Variants in TNFAIP3 observed in about 807,000 individuals in gnomAD.
TNFAIP3 encodes TNF alpha induced protein 3.
In TNFAIP3, 9 loss-of-function variants were observed where a neutral mutation model predicts 72.4. The observed-to-expected ratio is 0.12, with a 90% confidence interval of 0.07 to 0.22. TNFAIP3 has a LOEUF of 0.22. Among genes scored for constraint, TNFAIP3 ranks in the 10% least tolerant of loss-of-function variants. TNFAIP3 has a pLI of 1.00. For missense variants in TNFAIP3, 833 were observed against 1,018.7 expected, an observed-to-expected ratio of 0.82 and a Z score of 2.48; for synonymous variants, 339 against 372.6, an observed-to-expected ratio of 0.91 and a Z score of 1.04.
chr6:137,872,972 A>G, intron 2 of TNFAIP3, among the ~76,000 whole-genome samples: 1 of 149,610 alleles, frequency 6.7e-6, no homozygotes, highest in Non-Finnish European at 1.5e-5. Flanking sequence ...TTTCCACTAG[A>G]AAAAAAAAAG....
Position 137,882,784 on chromosome 6 carries a change from A to G in TNFAIP3, c.*1465A>G, listed in dbSNP as rs1048242310. 4.3e-6 allele frequency: 1 copy of G among 231,354 alleles called. No homozygotes were observed. The highest frequency in any genetic ancestry group is 8.6e-6 in the Non-Finnish European group (1 of 116,814). 14.3% of individuals were successfully genotyped at this position (231,354 alleles called of 1,614,324 possible). ...ATTGGGACAGCAAAAGCCAGTAACC[A>G]TGAGTATGAGGAAATCTCTTTCTGT... On this transcript the variant is annotated 3_prime_UTR_variant, in exon 9 of 9. Transcript: ENST00000612899.
At position 137,870,364 on chromosome 6, in the gene TNFAIP3, C is replaced by G. The variant is rs1336011514; in HGVS notation, c.-15-849C>G. The stretch of plus-strand genomic sequence containing the variant: ...TCTCAAACTCCTGAGCTTAAGTGAT[C>G]CTCCTCCCTCGACCTCCCAAAGTGC... On this transcript the variant is annotated intron_variant, in intron 1 of 8. Transcript: ENST00000612899. Among the ~76,000 whole-genome samples the G allele has an allele frequency of 3.3e-5, 5 of 152,300 alleles. No individual in the cohort carries two copies. The South Asian group carries it at 6.2e-4, about 19-fold the overall frequency.
chr6:137,881,723 A>G lies in TNFAIP3; in HGVS notation c.*404A>G, dbSNP rs956752260. ...ACAAGTCGCGTGGGTTGGAGAAGCC[A>G]GAGCCATTCCACCTCCCCTCCCCCA... is the stretch of plus-strand genomic sequence containing the variant. On this transcript the variant is annotated 3_prime_UTR_variant, in exon 9 of 9. Coordinates refer to ENST00000612899, the MANE Select transcript of TNFAIP3 (RefSeq NM_001270508.2). This position sits in a 1 kb window ranked among gnomAD's most constrained non-coding sequence, Gnocchi z 5.0. 4.1e-6 allele frequency: 1 copy of G among 244,548 alleles called. No individual in the cohort carries two copies. 15.1% of individuals were successfully genotyped at this position (244,548 alleles called of 1,614,324 possible). A position where few individuals can be genotyped will look rare whatever the true frequency, so the allele number is the denominator to read the frequency against.
Position 137,881,559 on chromosome 6 carries a change from C to T in TNFAIP3, c.*240C>T. 2 of 428,440 alleles carry T rather than the reference C, an allele frequency of 4.7e-6. No homozygotes were observed. Among genetic ancestry groups the T allele is most frequent in the Non-Finnish European group, 4.1e-6 (1 of 243,246 alleles). The allele number at this position is 428,440 out of a possible 1,614,324, so 26.5% of individuals were successfully genotyped here. ...TGGCAAGGGATGATGTCAGATTCAG[C>T]CCAAGGTTCCTCCTCTCCTACCAAG... On this transcript the variant is annotated 3_prime_UTR_variant, in exon 9 of 9. Transcript: ENST00000612899. The surrounding 1 kb of genome is among the most constrained non-coding windows in gnomAD (Gnocchi z 5.0).
At chr6:137,874,028 A>G (rs1159346546) in intron 2 of TNFAIP3, among the ~76,000 whole-genome samples, 1 of 152,244 alleles carries the variant, frequency 6.6e-6, no homozygotes, top group East Asian at 1.9e-4. Context: ...AAAAAAATGC[A>G]GCCCATTGAA....
intron 1 of TNFAIP3, among the ~76,000 whole-genome samples, chr6:137,868,679 G>A (rs1345124517): frequency 6.9e-6 from 1 of 145,038 alleles, no homozygotes; most frequent in Non-Finnish European, 1.5e-5. Flanking sequence ...CTTTAAATAA[G>A]ACAGTGAGGT....
intron 6 of TNFAIP3, 65 bp from the exon 7 acceptor site, chr6:137,878,367 A>G: frequency 7.1e-7 from 1 of 1,403,454 alleles, no homozygotes; most frequent in Non-Finnish European, 9.7e-7. Context: ...CTATGAGCTA[A>G]TGATGTAAAA....
Position 137,881,099 on chromosome 6 carries a change from G to A in TNFAIP3, c.2153G>A (p.Arg718Gln), listed in dbSNP as rs779416381. The A allele has an allele frequency of 1.5e-5, 24 of 1,613,802 alleles. No homozygotes were observed. The highest frequency in any genetic ancestry group is 1.1e-4 in the East Asian group (5 of 44,858). Reference sequence around the variant, plus strand: ...AGCACCTCAAGGCCCAAGTGCGCCCGGGCCTCCTGCAAGAACATCCTGGCC... The same window carrying A: ...AGCACCTCAAGGCCCAAGTGCGCCCAGGCCTCCTGCAAGAACATCCTGGCC... ...TQSTSRPKCA[R>Q]ASCKNILACR... The change falls in exon 9 of 9, where the codon CGG (arginine) becomes CAG (glutamine). Residue 718 changes from arginine to glutamine, a missense_variant. Coordinates refer to ENST00000612899, the MANE Select transcript of TNFAIP3 (RefSeq NM_001270508.2). This position sits in a 1 kb window ranked among gnomAD's most constrained non-coding sequence, Gnocchi z 5.0.
chr6:137,879,402 T>C, intron 7 of TNFAIP3, 51 bp downstream of exon 7: 1 of 1,553,850 alleles, frequency 6.4e-7, no homozygotes, highest in East Asian at 2.3e-5. Flanking sequence ...CCAGAAGGGG[T>C]TTTGTTCCTG....
intron 5 of TNFAIP3, among the ~76,000 whole-genome samples, chr6:137,876,524 C>A (rs919978786): frequency 3.9e-5 from 6 of 151,952 alleles, no homozygotes; most frequent in African/African-American, 1.2e-4. Flanking sequence ...TGGCTCATTG[C>A]AGCCTCCACC....
rs531354473 is a variant in TNFAIP3, at chr6:137,882,528, T to C, written c.*1209T>C. ...CAAGGTATACATACATATTCATCGA[T>C]GTTTCGTGCTTCTCCTTATGAAACT... is the stretch of plus-strand genomic sequence containing the variant. On this transcript the variant is annotated 3_prime_UTR_variant, in exon 9 of 9. Transcript: ENST00000612899. 1 of 232,406 alleles carries C rather than the reference T, an allele frequency of 4.3e-6. No individual in the cohort carries two copies. The highest frequency in any genetic ancestry group is 2.2e-5 in the African/African-American group (1 of 45,416). 14.4% of individuals were successfully genotyped at this position (232,406 alleles called of 1,614,324 possible).
chr6:137,882,550 A>C lies in TNFAIP3; in HGVS notation c.*1231A>C, dbSNP rs368124900. Reference sequence around the variant, plus strand: ...CGATGTTTCGTGCTTCTCCTTATGAAACTCCAGCTATGTAATAAAAAACTA... The same window carrying C: ...CGATGTTTCGTGCTTCTCCTTATGACACTCCAGCTATGTAATAAAAAACTA... On this transcript the variant is annotated 3_prime_UTR_variant, in exon 9 of 9. Transcript: ENST00000612899. The C allele has an allele frequency of 1.9e-4, 44 of 232,508 alleles. No homozygotes were observed. Among genetic ancestry groups the C allele is most frequent in the East Asian group, 7.8e-4 (13 of 16,594 alleles). The allele number at this position is 232,508 out of a possible 1,614,324, so 14.4% of individuals were successfully genotyped here. A position where few individuals can be genotyped will look rare whatever the true frequency, so the allele number is the denominator to read the frequency against.
chr6:137,868,685 G>A (rs1775926215), intron 1 of TNFAIP3, among the ~76,000 whole-genome samples: 2 of 131,788 alleles, frequency 1.5e-5, no homozygotes, highest in African/African-American at 5.7e-5. Flanking sequence ...ATAAGACAGT[G>A]AGGTAACAAA....
rs1407837791 is a variant in TNFAIP3 at position 137,881,276 on chromosome 6, G to C, written c.2330G>C (p.Gly777Ala). ...CDHFGNAKCN[G>A]YCNECFQFKQ... The stretch of plus-strand genomic sequence containing the variant: ...CATTTTGGCAATGCCAAGTGCAACG[G>C]CTACTGCAACGAATGCTTTCAGTTC... The change falls in exon 9 of 9, where the codon GGC becomes GCC. Residue 777 changes from glycine (G) to alanine (A), a missense_variant. By Grantham distance (60) the Gly-to-Ala change is moderately conservative (BLOSUM62 0). Transcript: ENST00000612899. This position sits in a 1 kb window ranked among gnomAD's most constrained non-coding sequence, Gnocchi z 5.0. The C allele has an allele frequency of 6.3e-7, 1 of 1,578,046 alleles. No individual in the cohort carries two copies. Among genetic ancestry groups the C allele is most frequent in the Admixed American group, 1.9e-5 (1 of 53,536 alleles).
rs1562274117 is a variant in TNFAIP3, at chr6:137,880,246, G to A, written c.2082G>A (p.Glu694=). ...QRFHEAKRTE[E]QLRSSQRRDV... The stretch of plus-strand genomic sequence containing the variant: ...TTCATGAGGCCAAAAGGACAGAAGA[G>A]CAACTGGTGAGACACTTGGAGGAGC... Residue 694 remains glutamate, a synonymous_variant, in exon 8 of 9, where the codon GAG becomes GAA. Transcript: ENST00000612899. 2 of 1,614,020 alleles carry A rather than the reference G, an allele frequency of 1.2e-6. No homozygotes were observed. Among genetic ancestry groups the A allele is most frequent in the Admixed American group, 3.3e-5 (2 of 60,008 alleles).
Position 137,881,030 on chromosome 6 carries a change from C to T in TNFAIP3, c.2089-5C>T, listed in dbSNP as rs1562274571. 6.3e-7 allele frequency: 1 copy of T among 1,585,954 alleles called. No homozygotes were observed. Among genetic ancestry groups the T allele is most frequent in the Non-Finnish European group, 8.6e-7 (1 of 1,163,646 alleles). On this transcript the variant is annotated splice_polypyrimidine_tract_variant and splice_region_variant and intron_variant, in intron 8 of 8. Coordinates refer to ENST00000612899, the MANE Select transcript of TNFAIP3 (RefSeq NM_001270508.2). The surrounding 1 kb of genome is among the most constrained non-coding windows in gnomAD (Gnocchi z 5.0). Reference sequence around the variant, plus strand: ...TTTAATGATCTGCCTGTTCTTTCCACTCAGAGATCGAGCCAGCGCAGAGAT... The same window carrying T: ...TTTAATGATCTGCCTGTTCTTTCCATTCAGAGATCGAGCCAGCGCAGAGAT...
chr6:137,869,590 A>G (rs540916025), intron 1 of TNFAIP3, among the ~76,000 whole-genome samples: 67 of 152,232 alleles, frequency 4.4e-4, no homozygotes, highest in African/African-American at 1.6e-3. Context: ...CCAATCTAAA[A>G]CTATCACCAG....
intron 1 of TNFAIP3, among the ~76,000 whole-genome samples, chr6:137,870,855 G>A (rs1776034402): frequency 6.6e-6 from 1 of 152,170 alleles, no homozygotes; most frequent in African/African-American, 2.4e-5. Flanking sequence ...GGTGGCCTCA[G>A]AATGAAACGG....
intron 2 of TNFAIP3, among the ~76,000 whole-genome samples, chr6:137,874,249 A>C (rs1175816432): frequency 6.6e-6 from 1 of 152,224 alleles, no homozygotes; most frequent in East Asian, 1.9e-4. Flanking sequence ...GGCCATAGGT[A>C]ATTCCGTGTT....
Sources: gnomAD v4.1 joint callset for allele counts (sites outside exome capture counted in the v4.1 genomes callset) on GRCh38, gnomAD v4.1.1 for gene constraint, Gnocchi (gnomAD v3.1) non-coding constraint, MANE v1.5 for transcripts, NCBI Gene and HGNC (gene_info 2026-07-23, HGNC 2026-07-21) for gene names.